MXRA7: variants seen among roughly 807,000 people sequenced by gnomAD.
MXRA7 encodes the protein matrix-remodeling-associated protein 7.
Under a neutral mutation model 17.4 loss-of-function variants are expected in MXRA7, and 18 were observed. The ratio of observed to expected loss-of-function variants is 1.03; its 90% CI spans 0.71 to 1.53. The LOEUF (loss-of-function observed/expected upper bound fraction) is 1.53. Ranked by LOEUF, MXRA7 falls within the 40% of genes most tolerant of loss-of-function variation. The pLI is 0.00. For missense variants in MXRA7, 141 were observed against 209.3 expected (o/e 0.67, Z 2.01); for synonymous variants, 70 against 101.7 (o/e 0.69, Z 1.87).
chr17:76,688,743 G>A, intron 1 of MXRA7: 1 of 1,146,996 alleles, frequency 8.7e-7, no homozygotes, highest in Non-Finnish European at 1.1e-6. Flanking sequence ...GATGGCCTTG[G>A]TGGAAGGAAG....
rs751916433 is a variant in MXRA7, at chr17:76,680,889, G to A, written c.501-10C>T. On this transcript the variant is annotated splice_polypyrimidine_tract_variant and intron_variant, in intron 3 of 3. Transcript: ENST00000449428. ...TCGTTATTCTTCAGTTCTGTAAAGA[G>A]AAATGGGGAGAAAAAGATAATTTAT... 5.7e-6 allele frequency: 9 copies of A among 1,592,490 alleles called. No individual in the cohort carries two copies. The highest frequency in any genetic ancestry group is 1.7e-6 in the Non-Finnish European group (2 of 1,162,948).
Position 76,681,059 on chromosome 17 carries a change from T to G in MXRA7, c.501-180A>C, listed in dbSNP as rs1012009605. 6.6e-6 allele frequency among the ~76,000 whole-genome samples: 1 copy of G among 152,180 alleles called. No individual in the cohort carries two copies. Among genetic ancestry groups the G allele is most frequent in the East Asian group, 1.9e-4 (1 of 5,196 alleles). On this transcript the variant is annotated intron_variant, in intron 3 of 3. Coordinates refer to ENST00000449428, the MANE Select transcript of MXRA7 (RefSeq NM_198530.4). This position sits in a 1 kb window ranked among gnomAD's most constrained non-coding sequence, Gnocchi z 4.7. ...CTTCTCATCGCTTGCAGCAAGACAGTCTGTGCCGCCAAGCCGGCCAGAGCT... is the reference window on the plus strand; with the variant it reads ...CTTCTCATCGCTTGCAGCAAGACAGGCTGTGCCGCCAAGCCGGCCAGAGCT...
intron 1 of MXRA7, among the ~76,000 whole-genome samples, chr17:76,707,457 C>T (rs1399788385): frequency 6.6e-6 from 1 of 152,082 alleles, no homozygotes; most frequent in African/African-American, 2.4e-5. Context: ...GTGCACGCCA[C>T]CATGCCTGGC....
chr17:76,705,612 T>C (rs2076646484), intron 1 of MXRA7, among the ~76,000 whole-genome samples: 1 of 152,156 alleles, frequency 6.6e-6, no homozygotes, highest in African/African-American at 2.4e-5. Context: ...AGGTGAGATT[T>C]AGACGAGGTC....
chr17:76,701,295 G>A (rs1001166664), intron 1 of MXRA7, among the ~76,000 whole-genome samples: 2 of 152,056 alleles, frequency 1.3e-5, no homozygotes, highest in African/African-American at 4.8e-5. Context: ...AGGTCTTCAG[G>A]GCGTGAGGGA....
chr17:76,694,104 A>G (rs1204698446), intron 1 of MXRA7, among the ~76,000 whole-genome samples: 1 of 152,192 alleles, frequency 6.6e-6, no homozygotes, highest in African/African-American at 2.4e-5. Flanking sequence ...GGGCGGGGGC[A>G]TAGGCCCAGG....
At chr17:76,699,159 T>C (rs574761557) in intron 1 of MXRA7, among the ~76,000 whole-genome samples, 1 of 152,174 alleles carries the variant, frequency 6.6e-6, no homozygotes, top group South Asian at 2.1e-4. Flanking sequence ...ATTCATCCTT[T>C]TTGGGGAGAC....
At chr17:76,698,716 T>G (rs1261679325) in intron 1 of MXRA7, among the ~76,000 whole-genome samples, 6 of 98,506 alleles carry the variant, frequency 6.1e-5, no homozygotes, top group African/African-American at 2.5e-4. Flanking sequence ...CTTTCTGTTT[T>G]TTTTTTTTTT....
intron 3 of MXRA7, chr17:76,684,522 C>T: frequency 3.4e-6 from 1 of 293,346 alleles, no homozygotes; most frequent in South Asian, 2.6e-5. Flanking sequence ...GGCGGGGTGC[C>T]CAGTGGCTGT....
Position 76,710,938 on chromosome 17 carries a change from C to A in MXRA7, c.9G>T (p.Ala3=), listed in dbSNP as rs1319281570. The A allele has an allele frequency of 1.0e-6, 1 of 995,312 alleles. No homozygotes were observed. The highest frequency in any genetic ancestry group is 1.2e-6 in the Non-Finnish European group (1 of 839,870). The allele number at this position is 995,312 out of a possible 1,614,324, so 61.7% of individuals were successfully genotyped here. A position where few individuals can be genotyped will look rare whatever the true frequency, so the allele number is the denominator to read the frequency against. The part of the protein sequence containing the change: ME[A]PAELLAALPA... ...GCAGCGCGGCCAGTAGCTCGGCCGG[C>A]GCCTCCATCGCGCCGCGGCCGCCGA... The change falls in exon 1 of 4, where the codon GCG becomes GCT. Residue 3 remains alanine, a synonymous_variant. Coordinates refer to ENST00000449428, the MANE Select transcript of MXRA7 (RefSeq NM_198530.4).
At chr17:76,688,631 ACT>A (rs2076439508) in intron 1 of MXRA7, 3 of 1,239,402 alleles carry the variant, frequency 2.4e-6, no homozygotes, top group Admixed American at 4.2e-5. Flanking sequence ...TCCATCCCCA[ACT>A]CTCTCAGTGT....
In MXRA7 at chr17:76,681,353, A is replaced by G. The variant is rs1225119748; in HGVS notation, c.501-474T>C. On this transcript the variant is annotated intron_variant, in intron 3 of 3. Transcript: ENST00000449428. This position sits in a 1 kb window ranked among gnomAD's most constrained non-coding sequence, Gnocchi z 4.7. ...GCATGCCCGTCTTTTATGAACCAAG[A>G]CACACTGCCAGCCCTGGGACCACTG... Among the ~76,000 whole-genome samples the G allele has an allele frequency of 6.6e-6, 1 of 152,118 alleles. No homozygotes were observed. The highest frequency in any genetic ancestry group is 1.9e-4 in the East Asian group (1 of 5,182).
At chr17:76,690,515 G>A (rs1471481738) in intron 1 of MXRA7, among the ~76,000 whole-genome samples, 1 of 151,986 alleles carries the variant, frequency 6.6e-6, no homozygotes, top group Non-Finnish European at 1.5e-5. Flanking sequence ...TTCAAGACCA[G>A]CCTGGCAACA....
chr17:76,696,127 C>T (rs932819734), intron 1 of MXRA7, among the ~76,000 whole-genome samples: 1 of 152,022 alleles, frequency 6.6e-6, no homozygotes, highest in Non-Finnish European at 1.5e-5. Flanking sequence ...AAACAGTGTG[C>T]AGAAATGCAG....
chr17:76,677,476 A>G (rs2076249697), downstream of MXRA7: 25 of 704,368 alleles, frequency 3.5e-5, 1 homozygote, highest in South Asian at 4.0e-4. Context: ...GTACGCCTGC[A>G]TCTATGTTTA....
At chr17:76,675,037 T>G (rs371153370), downstream of MXRA7, 6 of 152,262 alleles carry the variant, frequency 3.9e-5, no homozygotes, top group South Asian at 6.2e-4. Context: ...GTTCTAACTC[T>G]TGGCTTCTCA....
chr17:76,676,299 G>A (rs2076240775), downstream of MXRA7: 1 of 152,198 alleles, frequency 6.6e-6, no homozygotes, highest in African/African-American at 2.4e-5. Flanking sequence ...ACAGCATCCA[G>A]CATAGTTCTA....
At chr17:76,696,621 G>C (rs1254284889) in intron 1 of MXRA7, among the ~76,000 whole-genome samples, 1 of 152,176 alleles carries the variant, frequency 6.6e-6, no homozygotes, top group Non-Finnish European at 1.5e-5. Flanking sequence ...CACTTGGGAG[G>C]CTGAGGTGGG....
At chr17:76,687,735 G>A (rs1158123349) in intron 2 of MXRA7, among the ~76,000 whole-genome samples, 1 of 152,262 alleles carries the variant, frequency 6.6e-6, no homozygotes. Flanking sequence ...CACGGGGGAG[G>A]CCGTGTGAGT....
Sources: allele counts gnomAD v4.1 joint callset (sites outside exome capture counted in the v4.1 genomes callset), GRCh38; gene constraint gnomAD v4.1.1; non-coding constraint Gnocchi (gnomAD v3.1); transcripts MANE v1.5; gene names NCBI Gene and HGNC (gene_info 2026-07-23, HGNC 2026-07-21).